TNC: variants seen among roughly 807,000 people sequenced by gnomAD.
The protein encoded by TNC is tenascin C.
A neutral mutation model predicts 202.4 loss-of-function variants in TNC; 109 were observed. The observed-to-expected ratio is 0.54, with a 90% CI of 0.46 to 0.63. TNC has a LOEUF of 0.63. Among genes scored for constraint, TNC ranks in the 30% least tolerant of loss-of-function variants. The pLI is 0.00. For missense variants in TNC, 2,756 were observed against 2,833.3 expected (o/e 0.97, Z 0.62); for synonymous variants, 1,007 against 1,089.7 (o/e 0.92, Z 1.50).
chr9:115,073,558 C>G lies in TNC; in HGVS notation c.3214+45G>C, dbSNP rs772955046. The G allele has an allele frequency of 8.2e-6, 13 of 1,588,404 alleles. No homozygotes were observed. The African/African-American group carries it at 1.2e-4, about 15-fold the overall frequency. On this transcript the variant is annotated intron_variant, in intron 10 of 27. Transcript: ENST00000350763. ...ACCCTGGCTGAGGAGATCTGCTAAC[C>G]TCAGAATCAACCTAGAGTTTGGAGG...
intron 19 of TNC, 71 bp from the exon 20 acceptor site, chr9:115,038,451 C>T: frequency 1.3e-6 from 2 of 1,571,710 alleles, no homozygotes; most frequent in Non-Finnish European, 1.7e-6. Flanking sequence ...CTCTGCTGTC[C>T]ACACTGCTTA....
Position 115,035,259 on chromosome 9 carries a change from C to T in TNC, c.5732G>A (p.Arg1911Gln), listed in dbSNP as rs530735519. The T allele has an allele frequency of 8.7e-5, 141 of 1,612,994 alleles. 1 individual carries two copies. The South Asian group carries it at 1.2e-3, about 14-fold the overall frequency. The change falls in exon 22 of 28, where the codon CGG (arginine) becomes CAG (glutamine). Residue 1911 changes from arginine (R) to glutamine (Q), a missense_variant. By Grantham distance (43) the Arg-to-Gln change is conservative (BLOSUM62 1). Coordinates refer to ENST00000350763, the MANE Select transcript of TNC (RefSeq NM_002160.4). ...CAGCAGGTAACCGGTGACTGATGCC[C>T]GGGGGGGTCGCCAGGTAAGGAGGGC... ...ETALLTWRPP[R>Q]ASVTGYLLVY...
chr9:115,091,003 G>A lies in TNC; in HGVS notation c.16C>T (p.Gln6Ter). The change falls in exon 2 of 28, where the codon CAG becomes TAG. Residue 6 changes from glutamine to a stop codon, truncating the protein, a stop_gained. Coordinates refer to ENST00000350763, the MANE Select transcript of TNC (RefSeq NM_002160.4). LOFTEE classifies it high-confidence loss of function. MGAMT[Q>*]LLAGVFLAFL... Reference sequence around the variant, plus strand: ...GCAAGAAAGACACCTGCCAACAGCTGAGTCATGGCCCCCATGGTGGAGGTG... The same window carrying A: ...GCAAGAAAGACACCTGCCAACAGCTAAGTCATGGCCCCCATGGTGGAGGTG... 6.2e-7 allele frequency: 1 copy of A among 1,611,226 alleles called. No homozygotes were observed. The highest frequency in any genetic ancestry group is 8.5e-7 in the Non-Finnish European group (1 of 1,179,988).
At chr9:115,070,333 C>T (rs1450844619) in intron 10 of TNC, among the ~76,000 whole-genome samples, 2 of 152,092 alleles carry the variant, frequency 1.3e-5, no homozygotes, top group African/African-American at 4.8e-5. Flanking sequence ...GAGTGGTATC[C>T]AGGGAGTGGG....
chr9:115,060,062 A>C, intron 13 of TNC, 60 bp from the exon 14 acceptor site: 1 of 1,483,920 alleles, frequency 6.7e-7, no homozygotes, highest in Non-Finnish European at 9.1e-7. Context: ...GAAACCAAAC[A>C]TCCCACAGCC....
intron 17 of TNC, among the ~76,000 whole-genome samples, chr9:115,045,307 TA>T (rs926676499): frequency 6.6e-5 from 10 of 152,186 alleles, no homozygotes; most frequent in African/African-American, 2.4e-4. Flanking sequence ...CTTTTCTCTT[TA>T]AAAAGTCATG....
At chr9:115,110,181 AT>A (rs1836933158) in intron 1 of TNC, among the ~76,000 whole-genome samples, 1 of 152,234 alleles carries the variant, frequency 6.6e-6, no homozygotes, top group African/African-American at 2.4e-5. Flanking sequence ...AAAAAAGGAT[AT>A]TCTAGGCACG....
chr9:115,051,192 T>C (rs1463935410), intron 15 of TNC, among the ~76,000 whole-genome samples: 2 of 152,110 alleles, frequency 1.3e-5, no homozygotes, highest in Non-Finnish European at 2.9e-5. Flanking sequence ...TTTGGCAGCA[T>C]TTGCCAAATT....
intron 14 of TNC, 103 bp downstream of exon 14, chr9:115,059,627 A>G: frequency 7.9e-7 from 1 of 1,272,112 alleles, no homozygotes; most frequent in East Asian, 2.3e-5. Context: ...TGAAAGGCAC[A>G]TGAAAAGGAT....
Position 115,059,995 on chromosome 9 carries a change from G to A in TNC, c.4041C>T (p.Leu1347=), listed in dbSNP as rs369428619. Reference sequence around the variant, plus strand: ...ACACGGCTAAATCTCCCAGCTGTGGGAGATCCTCTGAAGAAGGACAGAAAA... The same window carrying A: ...ACACGGCTAAATCTCCCAGCTGTGGAAGATCCTCTGAAGAAGGACAGAAAA... ...PLAVEVVTED[L]PQLGDLAVSE... is the part of the protein sequence containing the mutation. The change falls in exon 14 of 28, where the codon CTC becomes CTT. Residue 1347 remains leucine, a synonymous_variant. Transcript: ENST00000350763. 22 of 1,612,126 alleles carry A rather than the reference G, an allele frequency of 1.4e-5. No individual in the cohort carries two copies. The African/African-American group carries it at 2.3e-4, about 17-fold the overall frequency.
chr9:115,108,657 G>T (rs1836803422), intron 1 of TNC, among the ~76,000 whole-genome samples: 1 of 152,096 alleles, frequency 6.6e-6, no homozygotes, highest in Non-Finnish European at 1.5e-5. Flanking sequence ...CCCTGCTATG[G>T]TCTGAATGTT....
chr9:115,091,999 G>A (rs1835271263), intron 1 of TNC, among the ~76,000 whole-genome samples: 1 of 152,146 alleles, frequency 6.6e-6, no homozygotes, highest in Non-Finnish European at 1.5e-5. Flanking sequence ...TTTTTACAGA[G>A]GTCTGAGGGT....
chr9:115,037,555 C>G (rs1480645370), intron 20 of TNC, among the ~76,000 whole-genome samples: 1 of 151,960 alleles, frequency 6.6e-6, no homozygotes. Context: ...TGAGACAGAG[C>G]CTCCCTCTCT....
intron 1 of TNC, among the ~76,000 whole-genome samples, chr9:115,103,869 C>T (rs1836417263): frequency 6.6e-6 from 1 of 152,184 alleles, no homozygotes; most frequent in African/African-American, 2.4e-5. Context: ...ATTAAATCCA[C>T]AAATCTTAAT....
rs934688713 is a variant in TNC at position 115,042,350 on chromosome 9, A to C, written c.5126-9T>G. On this transcript the variant is annotated splice_polypyrimidine_tract_variant and intron_variant, in intron 17 of 27. Coordinates refer to ENST00000350763, the MANE Select transcript of TNC (RefSeq NM_002160.4). ...CTTTGGGGAGCCCATGGCTGTCAAG[A>C]AGAAAGCACAAGAGAAGCCCAGAAA... 1 of 1,613,638 alleles carries C rather than the reference A, an allele frequency of 6.2e-7. No homozygotes were observed. The highest frequency in any genetic ancestry group is 1.1e-5 in the South Asian group (1 of 91,058).
At chr9:115,111,245 A>C (rs1223171669) in intron 1 of TNC, among the ~76,000 whole-genome samples, 1 of 152,066 alleles carries the variant, frequency 6.6e-6, no homozygotes, top group East Asian at 1.9e-4. Context: ...CGGCATTCTC[A>C]TACGTGTGCA....
intron 2 of TNC, among the ~76,000 whole-genome samples, chr9:115,088,230 C>T (rs1477306228): frequency 1.3e-5 from 2 of 152,170 alleles, no homozygotes; most frequent in East Asian, 1.9e-4. Context: ...AGAGCTCACT[C>T]TTGTGTCCTT....
rs1831204022 is a variant in TNC at position 115,046,501 on chromosome 9, T to G, written c.5034A>C (p.Thr1678=). The G allele has an allele frequency of 6.2e-7, 1 of 1,614,094 alleles. No homozygotes were observed. Among genetic ancestry groups the G allele is most frequent in the Admixed American group, 1.7e-5 (1 of 60,002 alleles). Residue 1678 remains threonine, a synonymous_variant, in exon 17 of 28, where the codon ACA becomes ACC. Transcript: ENST00000350763. ...CGTATTCAGTAGCCTCTCTGAGACCTGTTATGTCCCTGGTACGTTCGGGGG... is the reference window on the plus strand; with the variant it reads ...CGTATTCAGTAGCCTCTCTGAGACCGGTTATGTCCCTGGTACGTTCGGGGG... ...LLAPERTRDI[T]GLREATEYEI...
At chr9:115,047,123 C>G (rs1299864437) in intron 16 of TNC, among the ~76,000 whole-genome samples, 2 of 151,976 alleles carry the variant, frequency 1.3e-5, no homozygotes, top group Admixed American at 1.3e-4. Context: ...TAGAGCTGCT[C>G]ATGATGATAC....
Sources: allele counts gnomAD v4.1 joint callset (sites outside exome capture counted in the v4.1 genomes callset), GRCh38; gene constraint gnomAD v4.1.1; transcripts MANE v1.5; gene names NCBI Gene and HGNC (gene_info 2026-07-23, HGNC 2026-07-21).